Variants in DNAJA3 observed in about 807,000 individuals in gnomAD.
DNAJA3 encodes the protein dnaJ homolog subfamily A member 3, mitochondrial.
In DNAJA3, 29 loss-of-function variants were observed where a neutral mutation model predicts 54.9. That is an observed-to-expected ratio of 0.53 (90% CI 0.39 to 0.72). The LOEUF is 0.72. DNAJA3 is among the 30% of genes least tolerant of loss of function. The pLI is 0.00. For missense variants in DNAJA3, 708 were observed against 639.4 expected, an observed-to-expected ratio of 1.11 and a Z score of -1.16; for synonymous variants, 302 against 251.4, an observed-to-expected ratio of 1.20 and a Z score of -1.90.
At chr16:4,447,247 G>A in intron 8 of DNAJA3, 1 of 516,284 alleles carries the variant, frequency 1.9e-6, no homozygotes, top group Non-Finnish European at 3.4e-6. Flanking sequence ...CTCCCACACT[G>A]GTTAGCGGGG....
At chr16:4,442,051 T>C (rs2056842564) in intron 4 of DNAJA3, among the ~76,000 whole-genome samples, 1 of 152,200 alleles carries the variant, frequency 6.6e-6, no homozygotes, top group South Asian at 2.1e-4. Flanking sequence ...AAAGTACGTT[T>C]TCATTTAAGT....
At chr16:4,439,204 T>C (rs149764532) in intron 3 of DNAJA3, among the ~76,000 whole-genome samples, 24 of 152,022 alleles carry the variant, frequency 1.6e-4, no homozygotes, top group African/African-American at 4.3e-4. Flanking sequence ...CTACTAAAAA[T>C]ACAAAAATTA....
At chr16:4,433,407 A>T (rs1358621366) in intron 1 of DNAJA3, 1 of 152,232 alleles carries the variant, frequency 6.6e-6, no homozygotes, top group Non-Finnish European at 1.5e-5. Flanking sequence ...ATTGGTTCTC[A>T]GCAGGGGACA....
At chr16:4,444,810 A>G in intron 7 of DNAJA3, 82 bp downstream of exon 7, 2 of 1,252,032 alleles carry the variant, frequency 1.6e-6, no homozygotes. Context: ...CCATGTAATC[A>G]AAGCTTCACA....
chr16:4,443,967 T>G (rs1481162958), intron 6 of DNAJA3, among the ~76,000 whole-genome samples: 2 of 152,248 alleles, frequency 1.3e-5, no homozygotes, highest in East Asian at 3.8e-4. Flanking sequence ...ATTATAGTCA[T>G]GAGCCACCGC....
chr16:4,452,045 G>A (rs1436710076), intron 10 of DNAJA3, among the ~76,000 whole-genome samples: 2 of 152,108 alleles, frequency 1.3e-5, no homozygotes, highest in Non-Finnish European at 2.9e-5. Context: ...ACTACAGCCT[G>A]GGTGACATAG....
Position 4,455,618 on chromosome 16 carries a change from G to C in DNAJA3, c.*86G>C, listed in dbSNP as rs1411706466. 6 of 1,550,286 alleles carry C rather than the reference G, an allele frequency of 3.9e-6. No homozygotes were observed. The highest frequency in any genetic ancestry group is 4.4e-6 in the Non-Finnish European group (5 of 1,145,726). ...GGGCCAGGGCACCTGGGAGACGGGAGGATTCCAGAACAGCAGCACTGAGCT... is the reference window on the plus strand; with the variant it reads ...GGGCCAGGGCACCTGGGAGACGGGACGATTCCAGAACAGCAGCACTGAGCT... On this transcript the variant is annotated 3_prime_UTR_variant, in exon 12 of 12. Coordinates refer to ENST00000262375, the MANE Select transcript of DNAJA3 (RefSeq NM_005147.6).
In DNAJA3 at chr16:4,450,437, T is replaced by C; in HGVS notation, c.1279T>C (p.Tyr427His). The C allele has an allele frequency of 6.2e-7, 1 of 1,612,160 alleles. No homozygotes were observed. Among genetic ancestry groups the C allele is most frequent in the South Asian group, 1.1e-5 (1 of 90,586 alleles). The change falls in exon 10 of 12, where the codon TAC becomes CAC. Residue 427 changes from tyrosine to histidine, a missense_variant. Transcript: ENST00000262375. Reference protein sequence around the residue: ...TSRQQSLILSYAEDETDVEGT... With the variant: ...TSRQQSLILSHAEDETDVEGT... ...CCGGCAGCAGAGCCTGATCCTGAGC[T>C]ACGCCGAGGACGAGACAGATGTGGA... is the stretch of plus-strand genomic sequence containing the variant.
chr16:4,441,029 C>G, intron 3 of DNAJA3: 1 of 316,308 alleles, frequency 3.2e-6, no homozygotes, highest in Non-Finnish European at 5.8e-6. Context: ...AAATTCTCTA[C>G]GAGGTAATGT....
In DNAJA3 at chr16:4,443,076, C is replaced by T. The variant is rs61739189; in HGVS notation, c.843C>T (p.Arg281=). ...CCACGTGTAGGAGATGTGGTGGCCGCGGCTCCATCATCATATCGCCCTGTG... is the reference window on the plus strand; with the variant it reads ...CCACGTGTAGGAGATGTGGTGGCCGTGGCTCCATCATCATATCGCCCTGTG... ...MRSTCRRCGG[R]GSIIISPCVV... Residue 281 remains arginine (R), a synonymous_variant, in exon 6 of 12, where the codon CGC becomes CGT. Coordinates refer to ENST00000262375, the MANE Select transcript of DNAJA3 (RefSeq NM_005147.6). 307 of 1,613,890 alleles carry T rather than the reference C, an allele frequency of 1.9e-4. No individual in the cohort carries two copies. The highest frequency in any genetic ancestry group is 2.4e-4 in the Non-Finnish European group (280 of 1,179,984).
At chr16:4,446,845 G>C (rs1370274202) in intron 7 of DNAJA3, 41 bp from the exon 8 acceptor site, 2 of 1,610,278 alleles carry the variant, frequency 1.2e-6, no homozygotes, top group South Asian at 2.2e-5. Flanking sequence ...TTAGTCTGCA[G>C]TGGACTTATC....
intron 3 of DNAJA3, 94 bp from the exon 4 acceptor site, chr16:4,441,281 A>T: frequency 8.2e-7 from 1 of 1,217,026 alleles, no homozygotes; most frequent in East Asian, 2.4e-5. Flanking sequence ...CCACTTAATA[A>T]ATGTTATGGC....
intron 2 of DNAJA3, 142 bp downstream of exon 2, chr16:4,434,659 C>A: frequency 9.6e-7 from 1 of 1,038,690 alleles, no homozygotes; most frequent in Non-Finnish European, 1.4e-6. Flanking sequence ...TAAAGCTGGA[C>A]TTTGCTAGAC....
At position 4,442,278 on chromosome 16, in the gene DNAJA3, A is replaced by G; in HGVS notation, c.641A>G (p.Glu214Gly). Residue 214 changes from glutamate (E) to glycine (G), a missense_variant, in exon 5 of 12, where the codon GAG becomes GGG. Glu to Gly is a moderately conservative substitution (Grantham distance 98). Transcript: ENST00000262375. Reference sequence around the variant, plus strand: ...CCTTGGTTTCTTTAGTACTTCATGGAGTTGACATTCAATCAAGCTGCAAAG... The same window carrying G: ...CCTTGGTTTCTTTAGTACTTCATGGGGTTGACATTCAATCAAGCTGCAAAG... ...VFDQPQEYFMELTFNQAAKGV... is the reference protein window; with the variant it reads ...VFDQPQEYFMGLTFNQAAKGV... 1.9e-6 allele frequency: 3 copies of G among 1,593,918 alleles called. No homozygotes were observed. The highest frequency in any genetic ancestry group is 2.6e-6 in the Non-Finnish European group (3 of 1,168,508).
At chr16:4,436,268 C>G (rs1053881484) in intron 2 of DNAJA3, among the ~76,000 whole-genome samples, 3 of 152,216 alleles carry the variant, frequency 2.0e-5, no homozygotes, top group Non-Finnish European at 1.5e-5. Flanking sequence ...TCTTCCTGAG[C>G]TCAAGAGTCA....
intron 7 of DNAJA3, 64 bp from the exon 8 acceptor site, chr16:4,446,822 A>T: frequency 3.1e-6 from 5 of 1,592,906 alleles, no homozygotes; most frequent in Non-Finnish European, 3.4e-6. Context: ...CTGGCCAGGC[A>T]TGCAGCTGGT....
In DNAJA3 at chr16:4,435,031, G is replaced by T. The variant is rs940941015; in HGVS notation, c.345+514G>T. 3.3e-5 allele frequency among the ~76,000 whole-genome samples: 5 copies of T among 151,466 alleles called. No homozygotes were observed. In the East Asian group the frequency reaches 9.7e-4, roughly 29 times the overall value. ...CCTGTGTCCGCCTCCCAAGTAGCTGGGACTATAGGCACCTGCCACCACACC... is the reference window on the plus strand; with the variant it reads ...CCTGTGTCCGCCTCCCAAGTAGCTGTGACTATAGGCACCTGCCACCACACC... On this transcript the variant is annotated intron_variant, in intron 2 of 11. Coordinates refer to ENST00000262375, the MANE Select transcript of DNAJA3 (RefSeq NM_005147.6).
intron 8 of DNAJA3, chr16:4,447,701 G>T (rs2056919698): frequency 6.5e-6 from 1 of 152,676 alleles, no homozygotes; most frequent in Middle Eastern, 3.4e-3. Flanking sequence ...GGGCTCACTT[G>T]CCCAAACTCT....
intron 2 of DNAJA3, among the ~76,000 whole-genome samples, chr16:4,436,426 G>A (rs540375278): frequency 5.3e-5 from 8 of 152,256 alleles, no homozygotes; most frequent in Non-Finnish European, 8.8e-5. Flanking sequence ...TTTTAGGCAC[G>A]GAAGTAAAAA....
Sources: allele counts gnomAD v4.1 joint callset (sites outside exome capture counted in the v4.1 genomes callset), GRCh38; gene constraint gnomAD v4.1.1; transcripts MANE v1.5; gene names NCBI Gene and HGNC (gene_info 2026-07-23, HGNC 2026-07-21).